TDRD3: variants seen among roughly 807,000 people sequenced by gnomAD.
TDRD3 encodes the protein tudor domain containing 3.
Under a neutral mutation model 86.7 loss-of-function variants are expected in TDRD3, and 45 were observed. That is an observed-to-expected ratio of 0.52 (90% CI 0.41 to 0.67). The LOEUF is 0.67. TDRD3 is among the 30% of genes least tolerant of loss of function. The probability of loss-of-function intolerance (pLI) is 0.00; values close to 1 mark genes in which losing one functional copy is unlikely to be tolerated. For synonymous variants in TDRD3, 298 were observed against 301.7 expected, an observed-to-expected ratio of 0.99 and a Z score of 0.13; for missense variants, 814 against 889.0, an observed-to-expected ratio of 0.92 and a Z score of 1.07.
At chr13:60,456,283 A>C (rs1252055686) in intron 3 of TDRD3, among the ~76,000 whole-genome samples, 1 of 152,204 alleles carries the variant, frequency 6.6e-6, no homozygotes, top group African/African-American at 2.4e-5. Context: ...AAATTAACAC[A>C]ACCATTTAAA....
At chr13:60,569,104 G>GA (rs1163118313) in intron 13 of TDRD3, among the ~76,000 whole-genome samples, 1 of 152,088 alleles carries the variant, frequency 6.6e-6, no homozygotes, top group African/African-American at 2.4e-5. Context: ...TAGTAGCTGG[G>GA]ACCACAGGTG....
chr13:60,523,946 C>T (rs1490812517), intron 10 of TDRD3, among the ~76,000 whole-genome samples: 1 of 151,740 alleles, frequency 6.6e-6, no homozygotes, highest in Non-Finnish European at 1.5e-5. Flanking sequence ...AAATGTTACC[C>T]ATTTCTACTT....
Position 60,528,828 on chromosome 13 carries a change from A to T in TDRD3, c.1603A>T (p.Lys535Ter). 6.2e-7 allele frequency: 1 copy of T among 1,613,798 alleles called. No individual in the cohort carries two copies. Among genetic ancestry groups the T allele is most frequent in the Non-Finnish European group, 8.5e-7 (1 of 1,179,882 alleles). ...AGATTATAATAATCAAAAACGTGGA[A>T]AAAGAGAAAGCCAAACATCTATTCC... is the stretch of plus-strand genomic sequence containing the variant. ...SVDYNNQKRGKRESQTSIPDY... is the reference protein window; with the variant it reads ...SVDYNNQKRG The change falls in exon 11 of 14, where the codon AAA becomes TAA. Residue 535 changes from lysine (K) to a stop codon, truncating the protein, a stop_gained. Coordinates refer to ENST00000377881, the MANE Select transcript of TDRD3 (RefSeq NM_001146070.2). LOFTEE classifies it high-confidence loss of function.
intron 10 of TDRD3, among the ~76,000 whole-genome samples, chr13:60,520,547 ACTC>A (rs1293721426): frequency 6.6e-6 from 1 of 151,188 alleles, no homozygotes; most frequent in Non-Finnish European, 1.5e-5. Context: ...TGTACTCCCC[ACTC>A]CTCCTAGTTT....
Position 60,528,360 on chromosome 13 carries a change from C to T in TDRD3, c.1142-7C>T. Reference sequence around the variant, plus strand: ...TAATTTGCATATGGTATACTTTTACCTTTCAGAACCTAAATCACAGCCACA... The same window carrying T: ...TAATTTGCATATGGTATACTTTTACTTTTCAGAACCTAAATCACAGCCACA... On this transcript the variant is annotated splice_region_variant and splice_polypyrimidine_tract_variant and intron_variant, in intron 10 of 13. Transcript: ENST00000377881. 1.9e-6 allele frequency: 3 copies of T among 1,585,566 alleles called. No homozygotes were observed. The highest frequency in any genetic ancestry group is 2.3e-5 in the South Asian group (2 of 86,056).
In TDRD3 at chr13:60,528,411, T is replaced by C; in HGVS notation, c.1186T>C (p.Ser396Pro). The C allele has an allele frequency of 3.1e-6, 5 of 1,613,548 alleles. No homozygotes were observed. The highest frequency in any genetic ancestry group is 4.2e-6 in the Non-Finnish European group (5 of 1,179,798). ...PQQLHQGQYR[S>P]SNTEQNGVKD... ...GCAGCTTCATCAGGGACAATACAGATCATCAAATACTGAGCAAAATGGAGT... is the reference window on the plus strand; with the variant it reads ...GCAGCTTCATCAGGGACAATACAGACCATCAAATACTGAGCAAAATGGAGT... Residue 396 changes from serine to proline, a missense_variant, in exon 11 of 14, where the codon TCA (serine) becomes CCA (proline). Ser to Pro is a moderately conservative substitution (Grantham distance 74). Coordinates refer to ENST00000377881, the MANE Select transcript of TDRD3 (RefSeq NM_001146070.2).
intron 11 of TDRD3, among the ~76,000 whole-genome samples, chr13:60,530,256 G>A (rs1028604606): frequency 3.3e-5 from 5 of 152,098 alleles, no homozygotes; most frequent in African/African-American, 9.7e-5. Context: ...TCACAGTATA[G>A]GGACTTCATA....
At chr13:60,496,288 C>CATATATATATATATAT (rs56211733) in intron 8 of TDRD3, among the ~76,000 whole-genome samples, 3 of 61,260 alleles carry the variant, frequency 4.9e-5, no homozygotes, top group Non-Finnish European at 9.1e-5. Context: ...AACAAACTCC[C>CATATATATATATATAT]ATATATATAT....
At chr13:60,435,022 A>G (rs1955055745) in intron 1 of TDRD3, among the ~76,000 whole-genome samples, 1 of 152,120 alleles carries the variant, frequency 6.6e-6, no homozygotes, top group South Asian at 2.1e-4. Context: ...CACTTGTTTT[A>G]TTCATTGGTA....
chr13:60,566,101 G>T (rs1177812658), intron 12 of TDRD3, among the ~76,000 whole-genome samples: 4 of 151,956 alleles, frequency 2.6e-5, no homozygotes, highest in African/African-American at 9.7e-5. Context: ...TTAATTTTTG[G>T]CTATTGGCTT....
intron 3 of TDRD3, among the ~76,000 whole-genome samples, chr13:60,459,876 C>T (rs1215819359): frequency 6.6e-6 from 1 of 152,168 alleles, no homozygotes; most frequent in East Asian, 1.9e-4. Context: ...CTGCCTCGGC[C>T]TCCCAAAGTG....
At chr13:60,535,082 A>G in intron 11 of TDRD3, 26 bp from the exon 12 acceptor site, 1 of 1,612,120 alleles carries the variant, frequency 6.2e-7, no homozygotes, top group Non-Finnish European at 8.5e-7. Flanking sequence ...CAGTTGTCAT[A>G]TTTAAAACTC....
At chr13:60,439,143 G>A (rs1272012863) in intron 1 of TDRD3, among the ~76,000 whole-genome samples, 2 of 152,064 alleles carry the variant, frequency 1.3e-5, no homozygotes, top group African/African-American at 4.8e-5. Flanking sequence ...AAAAGTAAAA[G>A]ATGTATTGTA....
At chr13:60,524,003 G>A (rs1263461789) in intron 10 of TDRD3, among the ~76,000 whole-genome samples, 1 of 151,308 alleles carries the variant, frequency 6.6e-6, no homozygotes, top group East Asian at 1.9e-4. Flanking sequence ...TTAAAAAAAT[G>A]TGATGCATTG....
chr13:60,535,195 C>T lies in TDRD3; in HGVS notation c.2080C>T (p.Leu694=). The part of the protein sequence containing the change: ...FIDYGNYEEV[L]LSNIKPIQTE... ...TGACTACGGAAACTATGAAGAGGTG[C>T]TACTGAGCAATATCAAGCCCATTCA... The change falls in exon 12 of 14, where the codon CTA becomes TTA. Residue 694 remains leucine (L), a synonymous_variant. Coordinates refer to ENST00000377881, the MANE Select transcript of TDRD3 (RefSeq NM_001146070.2). The T allele has an allele frequency of 1.2e-6, 2 of 1,613,888 alleles. No individual in the cohort carries two copies. The highest frequency in any genetic ancestry group is 1.7e-6 in the Non-Finnish European group (2 of 1,179,880).
At chr13:60,517,896 G>A (rs889087237) in intron 10 of TDRD3, among the ~76,000 whole-genome samples, 1 of 152,122 alleles carries the variant, frequency 6.6e-6, no homozygotes, top group Non-Finnish European at 1.5e-5. Context: ...CTAAACATTT[G>A]TTACTGCATT....
chr13:60,543,376 T>A (rs890942614), intron 12 of TDRD3, among the ~76,000 whole-genome samples: 2 of 152,132 alleles, frequency 1.3e-5, no homozygotes, highest in Non-Finnish European at 2.9e-5. Context: ...TTTAAAAAAA[T>A]TTAAGTACAT....
chr13:60,521,119 CT>C (rs1957276879), intron 10 of TDRD3, among the ~76,000 whole-genome samples: 1 of 152,170 alleles, frequency 6.6e-6, no homozygotes, highest in Non-Finnish European at 1.5e-5. Context: ...GTTGTGCAAT[CT>C]TTTTCTGTGA....
intron 8 of TDRD3, chr13:60,509,525 G>T (rs1011301383): frequency 6.8e-6 from 3 of 443,604 alleles, no homozygotes; most frequent in African/African-American, 2.0e-5. Context: ...TTTATTTTTT[G>T]TGTGTTGCTT....
Sources: allele counts gnomAD v4.1 joint callset (sites outside exome capture counted in the v4.1 genomes callset), GRCh38; gene constraint gnomAD v4.1.1; transcripts MANE v1.5; gene names NCBI Gene and HGNC (gene_info 2026-07-23, HGNC 2026-07-21).